The following SMCHD1 variants were observed in gnomAD, a reference collection of about 807,000 sequenced individuals.
SMCHD1 encodes structural maintenance of chromosomes flexible hinge domain containing 1, also known as structural maintenance of chromosomes flexible hinge domain-containing protein 1.
Under a neutral mutation model 254.7 loss-of-function variants are expected in SMCHD1, and 78 were observed. That is an observed-to-expected ratio of 0.31 (90% CI 0.26 to 0.37). SMCHD1 has a LOEUF of 0.37. Among genes scored for constraint, SMCHD1 ranks in the 10% least tolerant of loss-of-function variants. SMCHD1 has a pLI of 1.00. For missense variants in SMCHD1, 1,840 were observed against 2,408.1 expected (o/e 0.76, Z 4.94); for synonymous variants, 766 against 794.9 (o/e 0.96, Z 0.61).
chr18:2,697,240 T>C lies in SMCHD1; in HGVS notation c.1131+118T>C, dbSNP rs1357375856. 4 of 518,400 alleles carry C rather than the reference T, an allele frequency of 7.7e-6. No homozygotes were observed. The Admixed American group carries it at 1.2e-4, about 15-fold the overall frequency. The allele number at this position is 518,400 out of a possible 1,614,324, so 32.1% of individuals were successfully genotyped here. On this transcript the variant is annotated intron_variant, in intron 9 of 47. Transcript: ENST00000320876. ...AGACAACTTCTCTCTCCTTGTTTTTTACCAAACTACTTTCATTGTTTGATA... is the reference window on the plus strand; with the variant it reads ...AGACAACTTCTCTCTCCTTGTTTTTCACCAAACTACTTTCATTGTTTGATA...
At chr18:2,684,063 G>A (rs2073987177) in intron 5 of SMCHD1, among the ~76,000 whole-genome samples, 1 of 151,960 alleles carries the variant, frequency 6.6e-6, no homozygotes, top group Non-Finnish European at 1.5e-5. Flanking sequence ...AATTTGAGAT[G>A]CTCAACTTGT....
rs201466122 is a variant in SMCHD1, at chr18:2,666,886, T to G, written c.279T>G (p.Asp93Glu). 162 of 1,611,706 alleles carry G rather than the reference T, an allele frequency of 1.0e-4. No homozygotes were observed. In the East Asian group the frequency reaches 1.7e-3, roughly 17 times the overall value. ...TCDNFDETVKDGVTLYLLQSV... is the reference protein window; with the variant it reads ...TCDNFDETVKEGVTLYLLQSV... ...TGATTACAGATGAAACTGTTAAAGATGGAGTCACCTTATACCTGCTACAGT... is the reference window on the plus strand; with the variant it reads ...TGATTACAGATGAAACTGTTAAAGAGGGAGTCACCTTATACCTGCTACAGT... The change falls in exon 3 of 48, where the codon GAT (aspartate) becomes GAG (glutamate). Residue 93 changes from aspartate to glutamate, a missense_variant. By Grantham distance (45) the Asp-to-Glu change is conservative. Coordinates refer to ENST00000320876, the MANE Select transcript of SMCHD1 (RefSeq NM_015295.3).
intron 34 of SMCHD1, among the ~76,000 whole-genome samples, chr18:2,754,998 G>A (rs956063328): frequency 2.6e-5 from 4 of 151,918 alleles, no homozygotes; most frequent in African/African-American, 7.3e-5. Context: ...ATTGATTTAT[G>A]TATATTGACC....
Position 2,722,622 on chromosome 18 carries a change from C to T in SMCHD1, c.2562C>T (p.Thr854=), listed in dbSNP as rs753675982. Residue 854 remains threonine, a synonymous_variant, in exon 20 of 48, where the codon ACC becomes ACT. Transcript: ENST00000320876. ...AGTTTCAGGATGAATTTGGTCATACCAGTCAACTAGTAACTGATATTCAGC... is the reference window on the plus strand; with the variant it reads ...AGTTTCAGGATGAATTTGGTCATACTAGTCAACTAGTAACTGATATTCAGC... ...PLEFQDEFGH[T]SQLVTDIQPV... 1.9e-6 allele frequency: 3 copies of T among 1,612,956 alleles called. No homozygotes were observed. Among genetic ancestry groups the T allele is most frequent in the Admixed American group, 1.7e-5 (1 of 59,950 alleles).
rs759659672 is a variant in SMCHD1 at position 2,739,457 on chromosome 18, T to A, written c.3451T>A (p.Leu1151Ile). 1 of 1,613,058 alleles carries A rather than the reference T, an allele frequency of 6.2e-7. No individual in the cohort carries two copies. Among genetic ancestry groups the A allele is most frequent in the African/African-American group, 1.3e-5 (1 of 74,828 alleles). ...VRPLPDEPKH[L>I]KCEMKGGKTV... ...ACCACTTCCTGATGAACCTAAACAT[T>A]TAAAATGTGAAATGAAAGGAGGAAA... Residue 1151 changes from leucine (L) to isoleucine (I), a missense_variant, in exon 27 of 48, where the codon TTA becomes ATA. Around this residue, in one of 9 missense-constraint regions of SMCHD1, gnomAD observed 881 missense variants for 1,009.5 expected, o/e 0.87. Coordinates refer to ENST00000320876, the MANE Select transcript of SMCHD1 (RefSeq NM_015295.3).
chr18:2,729,417 A>G lies in SMCHD1; in HGVS notation c.3048+8A>G. 1 of 1,502,544 alleles carries G rather than the reference A, an allele frequency of 6.7e-7. No individual in the cohort carries two copies. Among genetic ancestry groups the G allele is most frequent in the Non-Finnish European group, 8.9e-7 (1 of 1,127,472 alleles). The allele number at this position is 1,502,544 out of a possible 1,614,324, so 93.1% of individuals were successfully genotyped here. Reference sequence around the variant, plus strand: ...GCAAGAATTGAAATACCTGTAAGTTATTATTGTTACTCATTGATATTATAT... The same window carrying G: ...GCAAGAATTGAAATACCTGTAAGTTGTTATTGTTACTCATTGATATTATAT... On this transcript the variant is annotated splice_region_variant and intron_variant, in intron 24 of 47. Coordinates refer to ENST00000320876, the MANE Select transcript of SMCHD1 (RefSeq NM_015295.3).
chr18:2,672,447 CA>C (rs2073634380), intron 3 of SMCHD1, among the ~76,000 whole-genome samples: 1 of 152,140 alleles, frequency 6.6e-6, no homozygotes, highest in Non-Finnish European at 1.5e-5. Context: ...AGGCTGGTCT[CA>C]AACTCCTGAC....
At chr18:2,773,685 G>A (rs2076020062) in intron 41 of SMCHD1, among the ~76,000 whole-genome samples, 1 of 152,140 alleles carries the variant, frequency 6.6e-6, no homozygotes, top group Non-Finnish European at 1.5e-5. Flanking sequence ...ATTTTGGGAG[G>A]CCAAGACAGG....
At chr18:2,790,131 G>A (rs1207471522) in intron 45 of SMCHD1, among the ~76,000 whole-genome samples, 7 of 152,078 alleles carry the variant, frequency 4.6e-5, no homozygotes, top group African/African-American at 7.2e-5. Flanking sequence ...GCAGTGAGCC[G>A]ACATCGCGCC....
chr18:2,729,711 T>TC (rs2075099378), intron 24 of SMCHD1, among the ~76,000 whole-genome samples: 1 of 146,680 alleles, frequency 6.8e-6, no homozygotes, highest in South Asian at 2.1e-4. Context: ...TTCTTTCGCT[T>TC]TTTTTTTTTT....
At chr18:2,763,548 C>G (rs1598417999) in intron 36 of SMCHD1, 89 bp from the exon 37 acceptor site, 6 of 1,037,340 alleles carry the variant, frequency 5.8e-6, no homozygotes, top group Non-Finnish European at 6.6e-6. Flanking sequence ...GTTGGGGGCT[C>G]TCTGTATTAT....
In SMCHD1 at chr18:2,728,501, G is replaced by C. The variant is rs779974698; in HGVS notation, c.2818G>C (p.Val940Leu). The C allele has an allele frequency of 6.2e-7, 1 of 1,613,104 alleles. No homozygotes were observed. Among genetic ancestry groups the C allele is most frequent in the South Asian group, 1.1e-5 (1 of 90,990 alleles). ...LKVKPDSEILVIENGTAFPFQ... is the reference protein window; with the variant it reads ...LKVKPDSEILLIENGTAFPFQ... The stretch of plus-strand genomic sequence containing the variant: ...AGTGAAACCTGATTCTGAAATTTTA[G>C]TTATAGAAAATGGAACAGCTTTCCC... The change falls in exon 23 of 48, where the codon GTT (valine) becomes CTT (leucine). Residue 940 changes from valine to leucine, a missense_variant. Around this residue, in one of 9 missense-constraint regions of SMCHD1, gnomAD observed 881 missense variants for 1,009.5 expected, o/e 0.87. Transcript: ENST00000320876.
rs561439889 is a variant in SMCHD1, at chr18:2,748,380, G to GTGTGTGTGTGTGTGTATA, written c.3927+736_3927+737insGTGTGTGTGTGTATATGT. On this transcript the variant is annotated intron_variant, in intron 30 of 47. Coordinates refer to ENST00000320876, the MANE Select transcript of SMCHD1 (RefSeq NM_015295.3). Reference sequence around the variant, plus strand: ...TGTGTGTGTGTGTGTGTGTGTGTGTGTGTATATAAATTTTTTTTTTTTTTT... The same window carrying GTGTGTGTGTGTGTGTATA: ...TGTGTGTGTGTGTGTGTGTGTGTGTGTGTGTGTGTGTGTGTATATGTATATAAATTTTTTTTTTTTTTT... 5.2e-4 allele frequency among the ~76,000 whole-genome samples: 42 copies of GTGTGTGTGTGTGTGTATA among 80,236 alleles called. 1 individual carries two copies. Among genetic ancestry groups the GTGTGTGTGTGTGTGTATA allele is most frequent in the African/African-American group, 2.7e-3 (40 of 14,550 alleles). 52.6% of individuals were successfully genotyped at this position (80,236 alleles called of 152,430 possible).
intron 5 of SMCHD1, among the ~76,000 whole-genome samples, chr18:2,686,371 G>T (rs1401671932): frequency 2.0e-5 from 3 of 152,148 alleles, no homozygotes; most frequent in East Asian, 3.8e-4. Context: ...AATTGGAAAA[G>T]AAATCAGAAA....
chr18:2,740,941 A>C (rs1035442803), intron 28 of SMCHD1, 120 bp downstream of exon 28: 2 of 576,178 alleles, frequency 3.5e-6, no homozygotes, highest in Non-Finnish European at 3.0e-6. Flanking sequence ...TTGAAAAGTC[A>C]TAAAAGGCAT....
intron 28 of SMCHD1, among the ~76,000 whole-genome samples, chr18:2,742,410 A>G (rs2075368491): frequency 2.0e-5 from 3 of 152,224 alleles, no homozygotes; most frequent in South Asian, 2.1e-4. Flanking sequence ...TTAAAAAGAA[A>G]TCACCCCTTC....
chr18:2,769,668 C>T, intron 37 of SMCHD1, 26 bp from the exon 38 acceptor site: 1 of 1,573,430 alleles, frequency 6.4e-7, no homozygotes, highest in Non-Finnish European at 8.6e-7. Context: ...ATCTTGTTTT[C>T]CCCTATTGTT....
At chr18:2,696,753 T>C (rs1214203119) in intron 8 of SMCHD1, among the ~76,000 whole-genome samples, 2 of 152,198 alleles carry the variant, frequency 1.3e-5, no homozygotes, top group African/African-American at 4.8e-5. Context: ...GTCTTTGAAG[T>C]TGGAAAGGTC....
chr18:2,725,617 A>G (rs941364735), intron 21 of SMCHD1, among the ~76,000 whole-genome samples: 1 of 151,928 alleles, frequency 6.6e-6, no homozygotes, highest in African/African-American at 2.4e-5. Context: ...TCAGTGTATC[A>G]TTACTTTAAA....
Sources: gnomAD v4.1 joint callset for allele counts (sites outside exome capture counted in the v4.1 genomes callset) on GRCh38, gnomAD v4.1.1 for gene constraint, gnomAD v4.1.1 regional missense constraint, MANE v1.5 for transcripts, NCBI Gene and HGNC (gene_info 2026-07-23, HGNC 2026-07-21) for gene names.